The following THSD7B variants were observed in gnomAD, a reference collection of about 807,000 sequenced individuals.
THSD7B encodes the protein thrombospondin type 1 domain containing 7B.
In THSD7B, 138 loss-of-function variants were observed where a neutral mutation model predicts 213.6. That is an observed-to-expected ratio of 0.65 (90% CI 0.56 to 0.74). THSD7B has a LOEUF of 0.74. Ranked by LOEUF, THSD7B falls within the 30% of genes least tolerant of loss-of-function variation. The pLI, the probability that THSD7B is intolerant of heterozygous loss-of-function variation, is 0.00. For synonymous variants in THSD7B, 742 were observed against 687.0 expected (o/e 1.08, Z -1.25); for missense variants, 1,931 against 1,991.5 (o/e 0.97, Z 0.58).
chr2:136,835,506 C>T (rs75175285), intron 1 of THSD7B, among the ~76,000 whole-genome samples: 8,200 of 152,244 alleles, frequency 0.054, 283 homozygotes, highest in East Asian at 0.15. Context: ...TGAGGAGGCT[C>T]TGATTGTAAC....
Position 137,610,883 on chromosome 2 carries a change from T to C in THSD7B, c.3424-5292T>C, listed in dbSNP as rs980696607. Among the ~76,000 whole-genome samples the C allele has an allele frequency of 1.8e-4, 28 of 151,868 alleles. No homozygotes were observed. The South Asian group carries it at 2.9e-3, about 16-fold the overall frequency. Reference sequence around the variant, plus strand: ...ATTTAAAGAAGAAAACCGTTTCATCTTATAGAGAAATATTCTAGAGAGAAA... The same window carrying C: ...ATTTAAAGAAGAAAACCGTTTCATCCTATAGAGAAATATTCTAGAGAGAAA... On this transcript the variant is annotated intron_variant, in intron 17 of 27. Transcript: ENST00000409968.
chr2:136,981,442 A>G (rs187414044), intron 2 of THSD7B, among the ~76,000 whole-genome samples: 9 of 152,354 alleles, frequency 5.9e-5, no homozygotes, highest in African/African-American at 1.9e-4. Context: ...AATAATCTAC[A>G]TGAATTTTTC....
chr2:137,454,388 T>TTCTC (rs1553451266), intron 15 of THSD7B, among the ~76,000 whole-genome samples: 4 of 131,810 alleles, frequency 3.0e-5, no homozygotes, highest in Non-Finnish European at 1.7e-5. Flanking sequence ...TTCAGAGCCA[T>TTCTC]TCTATCTGTC....
chr2:137,318,786 C>CAT (rs1401923334), intron 12 of THSD7B, among the ~76,000 whole-genome samples: 1 of 73,660 alleles, frequency 1.4e-5, no homozygotes, highest in Non-Finnish European at 2.2e-5. Context: ...GAATGCTTAT[C>CAT]TTTTTTTTTT....
intron 12 of THSD7B, among the ~76,000 whole-genome samples, chr2:137,374,344 A>G (rs1431831980): frequency 6.6e-6 from 1 of 151,862 alleles, no homozygotes; most frequent in Non-Finnish European, 1.5e-5. Flanking sequence ...GGTCTTTTTA[A>G]TCCTTTACCT....
intron 2 of THSD7B, among the ~76,000 whole-genome samples, chr2:136,983,370 C>CACACACACACA (rs763445594): frequency 4.1e-4 from 59 of 144,230 alleles, no homozygotes; most frequent in Non-Finnish European, 6.3e-4. Flanking sequence ...CACACACACA[C>CACACACACACA]GCACACACAC....
chr2:137,175,065 G>GA (rs1199230468), intron 7 of THSD7B, among the ~76,000 whole-genome samples: 1 of 152,154 alleles, frequency 6.6e-6, no homozygotes, highest in African/African-American at 2.4e-5. Flanking sequence ...AAGCAAGTTG[G>GA]AAAAACCCTC....
At chr2:137,072,281 G>C (rs71348726) in intron 3 of THSD7B, among the ~76,000 whole-genome samples, 17 of 151,932 alleles carry the variant, frequency 1.1e-4, no homozygotes, top group African/African-American at 4.1e-4. Flanking sequence ...CTTTTATTTC[G>C]TTGAGCAGTG....
chr2:137,236,885 T>A (rs1179395244), intron 9 of THSD7B, among the ~76,000 whole-genome samples: 1 of 152,014 alleles, frequency 6.6e-6, no homozygotes, highest in Non-Finnish European at 1.5e-5. Flanking sequence ...CCGAGGCAGG[T>A]GGATCACCTG....
chr2:137,044,714 A>T (rs1280727094), intron 2 of THSD7B, among the ~76,000 whole-genome samples: 1 of 152,204 alleles, frequency 6.6e-6, no homozygotes, highest in Non-Finnish European at 1.5e-5. Context: ...CTCTCTCAGA[A>T]TGTCTCATAC....
At chr2:137,241,273 A>G (rs2105064129) in intron 9 of THSD7B, among the ~76,000 whole-genome samples, 1 of 152,328 alleles carries the variant, frequency 6.6e-6, no homozygotes, top group East Asian at 1.9e-4. Flanking sequence ...ACAGAATTTA[A>G]AAACCAAATG....
chr2:137,077,942 G>A (rs559407883), intron 3 of THSD7B, among the ~76,000 whole-genome samples: 17 of 152,010 alleles, frequency 1.1e-4, no homozygotes, highest in Non-Finnish European at 2.5e-4. Context: ...TTTCTTCTAG[G>A]GTTTTTATGG....
chr2:137,621,598 G>A (rs1682521160), intron 20 of THSD7B, among the ~76,000 whole-genome samples: 1 of 152,096 alleles, frequency 6.6e-6, no homozygotes, highest in Non-Finnish European at 1.5e-5. Flanking sequence ...TGGGCCCATG[G>A]GAGAGAAAGC....
chr2:137,596,329 T>C (rs956591430), intron 17 of THSD7B, among the ~76,000 whole-genome samples: 1 of 152,086 alleles, frequency 6.6e-6, no homozygotes, highest in Non-Finnish European at 1.5e-5. Context: ...TAAGGAATTA[T>C]TTTTGTGTTG....
chr2:137,228,285 A>G (rs1681557849), intron 7 of THSD7B, among the ~76,000 whole-genome samples: 1 of 152,054 alleles, frequency 6.6e-6, no homozygotes, highest in African/African-American at 2.4e-5. Context: ...AAACTACCAA[A>G]AGGTTGGTGT....
chr2:137,509,738 TC>T (rs1029235745), intron 15 of THSD7B, among the ~76,000 whole-genome samples: 1 of 152,188 alleles, frequency 6.6e-6, no homozygotes, highest in African/African-American at 2.4e-5. Flanking sequence ...ATTTCTATTA[TC>T]CCCCAAATTT....
chr2:136,899,311 GTAT>G (rs534218373), intron 2 of THSD7B, among the ~76,000 whole-genome samples: 5 of 152,116 alleles, frequency 3.3e-5, no homozygotes, highest in Admixed American at 6.5e-5. Context: ...TTTGTATCGT[GTAT>G]TATTACACAC....
intron 17 of THSD7B, among the ~76,000 whole-genome samples, chr2:137,585,514 G>A (rs1265287595): frequency 6.6e-6 from 1 of 151,946 alleles, no homozygotes; most frequent in Non-Finnish European, 1.5e-5. Flanking sequence ...CTTTAAATGT[G>A]TCCCAGAGAT....
intron 2 of THSD7B, among the ~76,000 whole-genome samples, chr2:136,980,140 T>A (rs1280193131): frequency 6.6e-6 from 1 of 152,166 alleles, no homozygotes; most frequent in Non-Finnish European, 1.5e-5. Context: ...TGCCTACTCC[T>A]TCCTCTGTGC....
Sources: allele counts gnomAD v4.1 joint callset (sites outside exome capture counted in the v4.1 genomes callset), GRCh38; gene constraint gnomAD v4.1.1; transcripts MANE v1.5; gene names NCBI Gene and HGNC (gene_info 2026-07-23, HGNC 2026-07-21).